Variants in ZMYND12 observed in about 807,000 individuals in gnomAD.
ZMYND12 encodes the protein zinc finger MYND domain-containing protein 12.
In ZMYND12, 32 loss-of-function variants were observed where a neutral mutation model predicts 41.7. The observed-to-expected ratio is 0.77, with a 90% CI of 0.58 to 1.03. The LOEUF (loss-of-function observed/expected upper bound fraction) is 1.03. ZMYND12 is among the 50% of genes least tolerant of loss of function. The pLI is 0.00. For missense variants in ZMYND12, 424 were observed against 438.5 expected (o/e 0.97, Z 0.30); for synonymous variants, 148 against 164.8 (o/e 0.90, Z 0.78).
At chr1:42,443,058 T>C (rs1264516929) in intron 3 of ZMYND12, among the ~76,000 whole-genome samples, 1 of 152,184 alleles carries the variant, frequency 6.6e-6, no homozygotes, top group Non-Finnish European at 1.5e-5. Flanking sequence ...TGACAAATAT[T>C]GGAAATTTAA....
intron 3 of ZMYND12, among the ~76,000 whole-genome samples, 198 bp from the exon 4 acceptor site, chr1:42,440,223 T>C (rs1263575869): frequency 6.6e-6 from 1 of 150,998 alleles, no homozygotes; most frequent in African/African-American, 2.4e-5. Context: ...TAAATGTCCA[T>C]CAGCTGATGA....
intron 3 of ZMYND12, among the ~76,000 whole-genome samples, chr1:42,442,050 T>C (rs1642976959): frequency 6.6e-6 from 1 of 152,142 alleles, no homozygotes. Flanking sequence ...CGGCCTGTGA[T>C]GCTGGAGCAC....
rs1272252843 is a variant in ZMYND12 at position 42,445,367 on chromosome 1, A to G, written c.424+3100T>C. The stretch of plus-strand genomic sequence containing the variant: ...AGAATCACTTGTCCCTGGGAGGCAG[A>G]GGTTGCAGTGAGCCAAGATCAGGCC... On this transcript the variant is annotated intron_variant, in intron 3 of 7. Coordinates refer to ENST00000372565, the MANE Select transcript of ZMYND12 (RefSeq NM_032257.5). Among the ~76,000 whole-genome samples the G allele has an allele frequency of 1.1e-4, 16 of 148,334 alleles. 1 individual carries two copies. The highest frequency in any genetic ancestry group is 1.5e-5 in the Non-Finnish European group (1 of 67,390).
In ZMYND12 at chr1:42,433,124, CT is replaced by C; in HGVS notation, c.975+18del. 6.2e-7 allele frequency: 1 copy of C among 1,604,732 alleles called. No individual in the cohort carries two copies. The highest frequency in any genetic ancestry group is 8.5e-7 in the Non-Finnish European group (1 of 1,177,390). On this transcript the variant is annotated intron_variant, in intron 7 of 7. Transcript: ENST00000372565. ...TTCTACCTTCATTTTAGACGTGTTG[CT>C]TTTTTAGGGAAACTTGCCTTTGAAG...
intron 3 of ZMYND12, among the ~76,000 whole-genome samples, chr1:42,441,777 C>T (rs903082711): frequency 7.3e-4 from 111 of 152,076 alleles, no homozygotes; most frequent in African/African-American, 2.4e-3. Flanking sequence ...CCCGCCACTA[C>T]GCCCGGCTAA....
chr1:42,449,913 C>A lies in ZMYND12; in HGVS notation c.252+5G>T, dbSNP rs767073756. 1.2e-6 allele frequency: 2 copies of A among 1,609,994 alleles called. No individual in the cohort carries two copies. Among genetic ancestry groups the A allele is most frequent in the Admixed American group, 1.7e-5 (1 of 60,014 alleles). ...CTTAACCTTGGAAAGTGCCGTAGGCCCTACCTGCCGCTGCTGCAGCTGCTG... is the reference window on the plus strand; with the variant it reads ...CTTAACCTTGGAAAGTGCCGTAGGCACTACCTGCCGCTGCTGCAGCTGCTG... On this transcript the variant is annotated splice_donor_5th_base_variant and intron_variant, in intron 2 of 7. Transcript: ENST00000372565.
intron 1 of ZMYND12, among the ~76,000 whole-genome samples, chr1:42,450,682 C>G (rs1643073925): frequency 6.6e-6 from 1 of 152,110 alleles, no homozygotes; most frequent in Non-Finnish European, 1.5e-5. Context: ...GATTTGAGAT[C>G]TTCTTTTCAA....
chr1:42,436,341 T>C, intron 5 of ZMYND12, 80 bp downstream of exon 5: 1 of 1,576,352 alleles, frequency 6.3e-7, no homozygotes, highest in Admixed American at 1.7e-5. Context: ...GAATGGTATG[T>C]TTTTCATGAA....
chr1:42,437,971 C>A (rs1461381143), intron 4 of ZMYND12, among the ~76,000 whole-genome samples: 1 of 151,542 alleles, frequency 6.6e-6, no homozygotes, highest in African/African-American at 2.4e-5. Context: ...CCACTGCGCC[C>A]AGCTAATTTT....
intron 7 of ZMYND12, among the ~76,000 whole-genome samples, chr1:42,432,080 A>T (rs1258294231): frequency 7.7e-6 from 1 of 129,434 alleles, no homozygotes; most frequent in East Asian, 2.1e-4. Context: ...TTTTTGAGAC[A>T]GGATCTTGCT....
At chr1:42,439,414 C>T (rs546425778) in intron 4 of ZMYND12, among the ~76,000 whole-genome samples, 87 of 152,320 alleles carry the variant, frequency 5.7e-4, no homozygotes, top group African/African-American at 2.0e-3. Context: ...TACAGGCATG[C>T]ACCACCACGC....
intron 2 of ZMYND12, 45 bp from the exon 3 acceptor site, chr1:42,448,683 A>G (rs1291176482): frequency 1.3e-6 from 2 of 1,543,112 alleles, no homozygotes; most frequent in East Asian, 2.4e-5. Flanking sequence ...CTAAAGTTAA[A>G]GGCAAAGGTG....
chr1:42,439,133 T>C (rs74068438), intron 4 of ZMYND12, among the ~76,000 whole-genome samples: 2,591 of 152,292 alleles, frequency 0.017, 67 homozygotes, highest in African/African-American at 0.058. Context: ...ATTATTAATC[T>C]TCGCAATGAC....
intron 7 of ZMYND12, 97 bp from the exon 8 acceptor site, chr1:42,430,955 C>T: frequency 6.6e-7 from 1 of 1,517,938 alleles, no homozygotes; most frequent in Non-Finnish European, 8.9e-7. Flanking sequence ...TGAGAGAGAA[C>T]TGACCACCTT....
At chr1:42,448,665 G>A in intron 2 of ZMYND12, 27 bp from the exon 3 acceptor site, 1 of 1,580,206 alleles carries the variant, frequency 6.3e-7, no homozygotes, top group Non-Finnish European at 8.6e-7. Context: ...CAGACTATCT[G>A]AGACAGTCTA....
In ZMYND12 at chr1:42,447,653, C is replaced by A. The variant is rs1187146405; in HGVS notation, c.424+814G>T. ...TTCTAAGGATAGGGAATCAGGTGAACAACTTACTCTCAGAGAACTCAGGGG... is the reference window on the plus strand; with the variant it reads ...TTCTAAGGATAGGGAATCAGGTGAAAAACTTACTCTCAGAGAACTCAGGGG... On this transcript the variant is annotated intron_variant, in intron 3 of 7. Transcript: ENST00000372565. 2.0e-5 allele frequency among the ~76,000 whole-genome samples: 3 copies of A among 152,178 alleles called. No individual in the cohort carries two copies. In the East Asian group the frequency reaches 5.8e-4, roughly 29 times the overall value.
At chr1:42,455,826 G>C in intron 1 of ZMYND12, 62 bp downstream of exon 1, 1 of 1,345,036 alleles carries the variant, frequency 7.4e-7, no homozygotes, top group Non-Finnish European at 1.0e-6. Flanking sequence ...ACCCAAGCCA[G>C]ACCCGGGAAA....
chr1:42,435,126 G>A (rs867502024), intron 6 of ZMYND12, 148 bp downstream of exon 6: 44 of 635,896 alleles, frequency 6.9e-5, no homozygotes, highest in Middle Eastern at 3.4e-4. Context: ...TTTGATCCCC[G>A]TGTCTCAGTT....
intron 6 of ZMYND12, 86 bp from the exon 7 acceptor site, chr1:42,433,374 G>T: frequency 6.9e-7 from 1 of 1,458,254 alleles, no homozygotes; most frequent in Admixed American, 2.5e-5. Context: ...TAAAGCGCCT[G>T]GTCTGCTGAA....
Sources: allele counts gnomAD v4.1 joint callset (sites outside exome capture counted in the v4.1 genomes callset), GRCh38; gene constraint gnomAD v4.1.1; transcripts MANE v1.5; gene names NCBI Gene and HGNC (gene_info 2026-07-23, HGNC 2026-07-21).